Variants in DYRK1A observed in about 807,000 individuals in gnomAD.
The protein encoded by DYRK1A is dual specificity tyrosine-phosphorylation-regulated kinase 1A.
DYRK1A carries 9 observed loss-of-function variants against 79.7 expected under a neutral mutation model. That is an observed-to-expected ratio of 0.11 (90% CI 0.07 to 0.20). The LOEUF is 0.20. Ranked by LOEUF, DYRK1A falls within the 10% of genes least tolerant of loss-of-function variation. DYRK1A has a pLI of 1.00. For synonymous variants in DYRK1A, 349 were observed against 329.7 expected, an observed-to-expected ratio of 1.06 and a Z score of -0.63; for missense variants, 622 against 956.0, an observed-to-expected ratio of 0.65 and a Z score of 4.61.
intron 2 of DYRK1A, among the ~76,000 whole-genome samples, chr21:37,426,165 G>A (rs977847033): frequency 7.9e-5 from 12 of 152,160 alleles, no homozygotes; most frequent in African/African-American, 2.9e-4. Flanking sequence ...GAAAGTGGGA[G>A]AAGATAAAAG....
At chr21:37,505,948 G>A (rs761259047) in intron 10 of DYRK1A, 151 bp from the exon 11 acceptor site, 13 of 1,002,150 alleles carry the variant, frequency 1.3e-5, no homozygotes, top group Non-Finnish European at 1.8e-5. Flanking sequence ...AGAATATGAA[G>A]ACTTTGTGAT....
chr21:37,408,587 G>A (rs568621152), intron 1 of DYRK1A, among the ~76,000 whole-genome samples: 1 of 152,236 alleles, frequency 6.6e-6, no homozygotes, highest in Non-Finnish European at 1.5e-5. Context: ...TTAGCACATA[G>A]AACAGTCATT....
chr21:37,437,939 G>A (rs1256057298), intron 2 of DYRK1A, among the ~76,000 whole-genome samples: 1 of 152,178 alleles, frequency 6.6e-6, no homozygotes, highest in Non-Finnish European at 1.5e-5. Context: ...GTTTTACAAA[G>A]TAGTTGTACC....
At position 37,513,205 on chromosome 21, in the gene DYRK1A, A is replaced by AT. The variant is rs2053811020; in HGVS notation, c.*676dup. On this transcript the variant is annotated 3_prime_UTR_variant, in exon 12 of 12. Transcript: ENST00000647188. The stretch of plus-strand genomic sequence containing the variant: ...GAACCTACTGAGGAGCAAAGCAGCA[A>AT]TTACATGGGATCCTGTGGCTCTCCC... The AT allele has an allele frequency of 6.5e-6, 1 of 152,684 alleles. No homozygotes were observed. The highest frequency in any genetic ancestry group is 2.4e-5 in the African/African-American group (1 of 41,418). The allele number at this position is 152,684 out of a possible 1,614,324, so 9.5% of individuals were successfully genotyped here. A position where few individuals can be genotyped will look rare whatever the true frequency, so the allele number is the denominator to read the frequency against.
intron 11 of DYRK1A, among the ~76,000 whole-genome samples, chr21:37,511,068 C>T (rs903444926): frequency 1.3e-5 from 2 of 152,082 alleles, no homozygotes; most frequent in Non-Finnish European, 2.9e-5. Context: ...AAGGGAGCAG[C>T]GTGTTACTAG....
chr21:37,388,232 A>AC (rs2049800413), intron 1 of DYRK1A, among the ~76,000 whole-genome samples: 1 of 95,752 alleles, frequency 1.0e-5, no homozygotes. Flanking sequence ...ATAGGCACAT[A>AC]CCACCTTGCC....
rs920936159 is a variant in DYRK1A, at chr21:37,482,440, G to A, written c.489+1614G>A. ...CCGCAAAACCAGCAAGTTTTTATTA[G>A]GGATTTTCAAAAGGGGAGGGAGTAT... On this transcript the variant is annotated intron_variant, in intron 5 of 11. Coordinates refer to ENST00000647188, the MANE Select transcript of DYRK1A (RefSeq NM_001347721.2). 3.9e-5 allele frequency among the ~76,000 whole-genome samples: 6 copies of A among 152,186 alleles called. 1 individual carries two copies. The South Asian group carries it at 1.0e-3, about 26-fold the overall frequency.
intron 2 of DYRK1A, among the ~76,000 whole-genome samples, chr21:37,424,181 ATCTTTT>A (rs1409586487): frequency 2.6e-5 from 4 of 152,070 alleles, no homozygotes; most frequent in African/African-American, 9.7e-5. Flanking sequence ...TGTGTGTCTG[ATCTTTT>A]TCTTTGTCTG....
intron 4 of DYRK1A, 51 bp downstream of exon 4, chr21:37,478,351 A>G (rs771405787): frequency 7.7e-6 from 12 of 1,551,328 alleles, no homozygotes; most frequent in Non-Finnish European, 1.1e-5. Flanking sequence ...TGTCATTGAG[A>G]AAAAAAGTGT....
chr21:37,395,221 G>C (rs1379744447), intron 1 of DYRK1A, among the ~76,000 whole-genome samples: 2 of 152,352 alleles, frequency 1.3e-5, no homozygotes, highest in African/African-American at 4.8e-5. Context: ...ACTAGGAAAT[G>C]TAGATTCTCA....
intron 6 of DYRK1A, chr21:37,488,364 CAT>C: frequency 1.1e-6 from 1 of 911,994 alleles, no homozygotes; most frequent in South Asian, 5.1e-5. Flanking sequence ...ATCCGAAAGT[CAT>C]ATTGATTTTT....
chr21:37,475,536 A>G (rs565935692), intron 3 of DYRK1A, among the ~76,000 whole-genome samples: 22 of 152,244 alleles, frequency 1.4e-4, no homozygotes, highest in African/African-American at 5.1e-4. Flanking sequence ...TGAAATCACA[A>G]TGAAAGCATA....
intron 8 of DYRK1A, 102 bp from the exon 9 acceptor site, chr21:37,496,016 C>G: frequency 8.7e-7 from 1 of 1,148,046 alleles, no homozygotes; most frequent in Non-Finnish European, 1.2e-6. Flanking sequence ...GAGTGCCAGA[C>G]ACACAGGAGG....
At chr21:37,394,886 T>G (rs1455835247) in intron 1 of DYRK1A, among the ~76,000 whole-genome samples, 6 of 152,204 alleles carry the variant, frequency 3.9e-5, no homozygotes, top group Non-Finnish European at 5.9e-5. Context: ...AATATGTACT[T>G]CGTGAAATCA....
chr21:37,366,407 C>CGCGGG (rs916663074), upstream of DYRK1A, among the ~76,000 whole-genome samples: 535 of 145,732 alleles, frequency 3.7e-3, 4 homozygotes, highest in East Asian at 0.032. Context: ...TCGGCGCGGG[C>CGCGGG]GCGGGGCGGG....
intron 9 of DYRK1A, among the ~76,000 whole-genome samples, chr21:37,497,964 A>C (rs1312885366): frequency 1.3e-5 from 2 of 152,134 alleles, no homozygotes; most frequent in Non-Finnish European, 2.9e-5. Flanking sequence ...TTAAGAGATA[A>C]ATTTTGTAAC....
At chr21:37,410,870 A>G (rs556577061) in intron 1 of DYRK1A, among the ~76,000 whole-genome samples, 188 of 152,162 alleles carry the variant, frequency 1.2e-3, no homozygotes, top group Non-Finnish European at 7.5e-4. Context: ...TATCACAGTG[A>G]AACTCTGTCT....
chr21:37,512,460 C>A lies in DYRK1A; in HGVS notation c.2194C>A (p.Gln732Lys), dbSNP rs1555995568. 6.2e-7 allele frequency: 1 copy of A among 1,614,220 alleles called. No individual in the cohort carries two copies. The highest frequency in any genetic ancestry group is 1.3e-5 in the African/African-American group (1 of 75,048). The part of the protein sequence containing the change: ...YMTEGHLTMR[Q>K]GADREESPMT... ...GACTGAAGGACATCTGACAATGAGGCAAGGGGCTGATAGAGAAGAGTCCCC... is the reference window on the plus strand; with the variant it reads ...GACTGAAGGACATCTGACAATGAGGAAAGGGGCTGATAGAGAAGAGTCCCC... The change falls in exon 12 of 12, where the codon CAA (glutamine) becomes AAA (lysine). Residue 732 changes from glutamine (Q) to lysine (K), a missense_variant. By Grantham distance (53) the Gln-to-Lys change is moderately conservative. This residue lies in a region of DYRK1A where 292 missense variants were observed against 316.7 expected (regional missense o/e 0.92). Coordinates refer to ENST00000647188, the MANE Select transcript of DYRK1A (RefSeq NM_001347721.2).
chr21:37,440,275 A>G (rs1008141956), intron 2 of DYRK1A, among the ~76,000 whole-genome samples: 1 of 150,944 alleles, frequency 6.6e-6, no homozygotes, highest in Non-Finnish European at 1.5e-5. Flanking sequence ...AGCTGGGACT[A>G]CAGTTGTGTG....
Sources: allele counts gnomAD v4.1 joint callset (sites outside exome capture counted in the v4.1 genomes callset), GRCh38; gene constraint gnomAD v4.1.1; regional missense constraint gnomAD v4.1.1; transcripts MANE v1.5; gene names NCBI Gene and HGNC (gene_info 2026-07-23, HGNC 2026-07-21).